The following SMYD3 variants were observed in gnomAD, a reference collection of about 807,000 sequenced individuals.
SMYD3 encodes the protein histone-lysine N-methyltransferase SMYD3.
Under a neutral mutation model 57.7 loss-of-function variants are expected in SMYD3, and 36 were observed. The ratio of observed to expected loss-of-function variants is 0.62; its 90% confidence interval spans 0.48 to 0.82. The LOEUF (loss-of-function observed/expected upper bound fraction) is 0.82. SMYD3 is among the 40% of genes least tolerant of loss of function. The probability of loss-of-function intolerance (pLI) is 0.00; values close to 1 mark genes in which losing one functional copy is unlikely to be tolerated. For missense variants in SMYD3, 515 were observed against 538.8 expected (o/e 0.96, Z 0.44); for synonymous variants, 211 against 195.0 (o/e 1.08, Z -0.68).
chr1:246,180,713 C>A (rs1162572367), intron 5 of SMYD3, among the ~76,000 whole-genome samples: 6 of 120,274 alleles, frequency 5.0e-5, no homozygotes, highest in Non-Finnish European at 9.6e-5. Context: ...GAGCTGAGAT[C>A]GCACCACCAC....
chr1:245,774,991 C>T (rs1002783058), intron 10 of SMYD3, among the ~76,000 whole-genome samples: 1 of 152,114 alleles, frequency 6.6e-6, no homozygotes, highest in African/African-American at 2.4e-5. Flanking sequence ...GACGGAGTCT[C>T]GTTCACTCAG....
intron 10 of SMYD3, 85 bp downstream of exon 10, chr1:245,858,411 T>G: frequency 2.2e-6 from 3 of 1,345,792 alleles, no homozygotes; most frequent in Non-Finnish European, 3.0e-6. Context: ...TGCAAAGTAG[T>G]AATCAGAATG....
chr1:246,447,173 T>C (rs758991792), intron 1 of SMYD3, among the ~76,000 whole-genome samples: 1 of 152,228 alleles, frequency 6.6e-6, no homozygotes, highest in African/African-American at 2.4e-5. Flanking sequence ...AAATGTATTG[T>C]TATAACATTT....
rs115371890 is a variant in SMYD3, at chr1:246,001,930, G to T, written c.532-71993C>A. Among the ~76,000 whole-genome samples, 1,323 of 152,126 alleles carry T rather than the reference G, an allele frequency of 8.7e-3. 22 individuals are homozygous for T. Among genetic ancestry groups the T allele is most frequent in the African/African-American group, 0.03 (1,238 of 41,504 alleles). ...AGAGATTTTGACAGATTCTCCGGCCGCCAGTCTTCCAGCTCTGGTTTCCAG... is the reference window on the plus strand; with the variant it reads ...AGAGATTTTGACAGATTCTCCGGCCTCCAGTCTTCCAGCTCTGGTTTCCAG... On this transcript the variant is annotated intron_variant, in intron 5 of 11. Transcript: ENST00000490107.
chr1:245,798,443 C>T (rs1318992541), intron 10 of SMYD3, among the ~76,000 whole-genome samples: 1 of 137,040 alleles, frequency 7.3e-6, no homozygotes, highest in Non-Finnish European at 1.5e-5. Context: ...CATACACACA[C>T]ATAAAAATAT....
At chr1:245,751,994 T>C (rs2045404307) in intron 11 of SMYD3, among the ~76,000 whole-genome samples, 1 of 152,164 alleles carries the variant, frequency 6.6e-6, no homozygotes, top group Non-Finnish European at 1.5e-5. Flanking sequence ...ACATGCCTCG[T>C]GTTTTATTCT....
At chr1:245,873,962 A>G (rs558793773) in intron 8 of SMYD3, among the ~76,000 whole-genome samples, 20 of 152,230 alleles carry the variant, frequency 1.3e-4, no homozygotes, top group Non-Finnish European at 2.2e-4. Flanking sequence ...TACCACTGAC[A>G]TGGAAACTAA....
intron 10 of SMYD3, among the ~76,000 whole-genome samples, chr1:245,764,554 T>C (rs1301280526): frequency 2.6e-5 from 4 of 152,122 alleles, no homozygotes; most frequent in African/African-American, 9.7e-5. Flanking sequence ...CCTCTCAATA[T>C]ATATTTGTTG....
chr1:245,920,692 T>G (rs1192582418), intron 7 of SMYD3, among the ~76,000 whole-genome samples: 1 of 152,140 alleles, frequency 6.6e-6, no homozygotes, highest in Non-Finnish European at 1.5e-5. Context: ...CATACAAAAA[T>G]AAGCAATGAG....
At position 246,291,220 on chromosome 1, in the gene SMYD3, C is replaced by T. The variant is rs146338957; in HGVS notation, c.531+35981G>A. On this transcript the variant is annotated intron_variant, in intron 5 of 11. Transcript: ENST00000490107. Reference sequence around the variant, plus strand: ...AAACGTTCCCCTCTGGTTTCTTTCCCGACTACTTGTAAAATAATATTCGCA... The same window carrying T: ...AAACGTTCCCCTCTGGTTTCTTTCCTGACTACTTGTAAAATAATATTCGCA... Among the ~76,000 whole-genome samples, 85 of 152,272 alleles carry T rather than the reference C, an allele frequency of 5.6e-4. 1 individual carries two copies. In the East Asian group the frequency reaches 0.011, roughly 20 times the overall value.
chr1:245,977,001 A>G (rs77442271), intron 5 of SMYD3, among the ~76,000 whole-genome samples: 2,524 of 12,720 alleles, frequency 0.2, 834 homozygotes, highest in South Asian at 0.34. Flanking sequence ...CATCGTCTCT[A>G]GCCCAGGGAA....
chr1:246,273,072 C>G (rs1183620007), intron 5 of SMYD3, among the ~76,000 whole-genome samples: 1 of 142,402 alleles, frequency 7.0e-6, no homozygotes, highest in African/African-American at 2.9e-5. Flanking sequence ...TCATACAACT[C>G]TTCCTAATGC....
chr1:246,315,859 T>A (rs961237105), intron 5 of SMYD3, among the ~76,000 whole-genome samples: 1 of 152,196 alleles, frequency 6.6e-6, no homozygotes, highest in Non-Finnish European at 1.5e-5. Context: ...ATCCCCAAAC[T>A]CGCCTGCTTA....
intron 8 of SMYD3, among the ~76,000 whole-genome samples, chr1:245,903,174 G>A (rs144208956): frequency 1.7e-3 from 255 of 152,150 alleles, no homozygotes; most frequent in African/African-American, 5.4e-3. Flanking sequence ...TAAGACTGAA[G>A]AATTCAATGA....
intron 5 of SMYD3, among the ~76,000 whole-genome samples, chr1:246,266,923 AT>A (rs544445341): frequency 1.8e-4 from 28 of 152,236 alleles, no homozygotes; most frequent in African/African-American, 6.7e-4. Flanking sequence ...CGAAAATAAT[AT>A]TTTTTTCCTT....
chr1:246,438,885 G>A (rs550505868), intron 1 of SMYD3, among the ~76,000 whole-genome samples: 1 of 151,772 alleles, frequency 6.6e-6, no homozygotes, highest in East Asian at 1.9e-4. Flanking sequence ...GCTCCCGTGA[G>A]AATCTAATGC....
intron 5 of SMYD3, among the ~76,000 whole-genome samples, chr1:246,032,146 A>C (rs2059688990): frequency 6.6e-6 from 1 of 152,246 alleles, no homozygotes; most frequent in African/African-American, 2.4e-5. Context: ...CTCCACTTTC[A>C]GCCATGAAGT....
intron 5 of SMYD3, among the ~76,000 whole-genome samples, chr1:246,219,959 C>A (rs1308059752): frequency 1.3e-5 from 2 of 152,196 alleles, no homozygotes; most frequent in Admixed American, 1.3e-4. Context: ...TGCACTCCCT[C>A]CTGTGAGGAG....
intron 5 of SMYD3, among the ~76,000 whole-genome samples, chr1:246,172,405 T>C (rs978455243): frequency 2.7e-5 from 4 of 150,298 alleles, no homozygotes; most frequent in Non-Finnish European, 5.9e-5. Flanking sequence ...CACTGTACTG[T>C]AGACTTTATC....
Sources: allele counts gnomAD v4.1 joint callset (sites outside exome capture counted in the v4.1 genomes callset), GRCh38; gene constraint gnomAD v4.1.1; transcripts MANE v1.5; gene names NCBI Gene and HGNC (gene_info 2026-07-23, HGNC 2026-07-21).